CADPS: variants seen among roughly 807,000 people sequenced by gnomAD.
The protein encoded by CADPS is calcium dependent secretion activator.
In CADPS, 57 loss-of-function variants were observed where a neutral mutation model predicts 167.3. The ratio of observed to expected loss-of-function variants is 0.34; its 90% CI spans 0.28 to 0.42. CADPS has a LOEUF of 0.42. CADPS is among the 20% of genes least tolerant of loss of function. The probability of loss-of-function intolerance (pLI) is 1.00; values close to 1 mark genes in which losing one functional copy is unlikely to be tolerated. For synonymous variants in CADPS, 676 were observed against 635.3 expected (o/e 1.06, Z -0.96); for missense variants, 1,414 against 1,738.1 (o/e 0.81, Z 3.32).
intron 3 of CADPS, among the ~76,000 whole-genome samples, chr3:62,677,160 C>T (rs1310485635): frequency 6.6e-6 from 1 of 152,040 alleles, no homozygotes; most frequent in Non-Finnish European, 1.5e-5. Flanking sequence ...AGAAGCAAAG[C>T]TGCAGAAATT....
chr3:62,694,184 C>G, intron 3 of CADPS, among the ~76,000 whole-genome samples: 1 of 152,024 alleles, frequency 6.6e-6, no homozygotes, highest in Non-Finnish European at 1.5e-5. Context: ...TAGAAAATCT[C>G]TATGGCAATA....
chr3:62,495,428 G>A (rs954131072), intron 18 of CADPS, among the ~76,000 whole-genome samples: 1 of 152,174 alleles, frequency 6.6e-6, no homozygotes, highest in African/African-American at 2.4e-5. Flanking sequence ...TTTATTTTAT[G>A]CTTGCTCATA....
chr3:62,796,839 C>A (rs548894491), intron 1 of CADPS, among the ~76,000 whole-genome samples: 1 of 152,206 alleles, frequency 6.6e-6, no homozygotes, highest in South Asian at 2.1e-4. Context: ...ATGTTGGAAT[C>A]AAAAAATGTG....
At chr3:62,635,083 C>A (rs1352707044) in intron 6 of CADPS, among the ~76,000 whole-genome samples, 2 of 152,098 alleles carry the variant, frequency 1.3e-5, no homozygotes, top group Non-Finnish European at 2.9e-5. Flanking sequence ...TTTCTAGAGA[C>A]CAGGTTGTTT....
At chr3:62,488,673 A>G (rs1480418876) in intron 21 of CADPS, among the ~76,000 whole-genome samples, 1 of 151,578 alleles carries the variant, frequency 6.6e-6, no homozygotes, top group Admixed American at 6.6e-5. Flanking sequence ...TTTATTTTGT[A>G]GAGATGGAGT....
In CADPS at chr3:62,519,801, T is replaced by C. The variant is rs1054270550; in HGVS notation, c.2292-1551A>G. On this transcript the variant is annotated intron_variant, in intron 13 of 29. Coordinates refer to ENST00000383710, the MANE Select transcript of CADPS (RefSeq NM_003716.4). Reference sequence around the variant, plus strand: ...TGCTTAACAAAAACAAATTTTTTTTTTTTACATGAAACGTCCGTGAATCTA... The same window carrying C: ...TGCTTAACAAAAACAAATTTTTTTTCTTTACATGAAACGTCCGTGAATCTA... Among the ~76,000 whole-genome samples, 6 of 152,152 alleles carry C rather than the reference T, an allele frequency of 3.9e-5. No individual in the cohort carries two copies. The East Asian group carries it at 1.2e-3, about 29-fold the overall frequency.
intron 2 of CADPS, among the ~76,000 whole-genome samples, chr3:62,755,257 G>A (rs1392201935): frequency 6.6e-6 from 1 of 152,146 alleles, no homozygotes; most frequent in Non-Finnish European, 1.5e-5. Flanking sequence ...TGGTTGGTCT[G>A]CTGGTGCTAC....
intron 12 of CADPS, among the ~76,000 whole-genome samples, chr3:62,535,541 A>G (rs2074518713): frequency 6.6e-6 from 1 of 152,034 alleles, no homozygotes; most frequent in South Asian, 2.1e-4. Flanking sequence ...AATATTACAT[A>G]GAGATATTCT....
At chr3:62,741,437 G>T (rs2080221112) in intron 3 of CADPS, among the ~76,000 whole-genome samples, 1 of 152,170 alleles carries the variant, frequency 6.6e-6, no homozygotes. Flanking sequence ...GATCAAGTAG[G>T]ACTTCAACCT....
chr3:62,399,373 A>ACTC lies in CADPS; in HGVS notation c.*30_*32dup, dbSNP rs1446528561. 1.2e-6 allele frequency: 2 copies of ACTC among 1,606,328 alleles called. No homozygotes were observed. Among genetic ancestry groups the ACTC allele is most frequent in the African/African-American group, 1.3e-5 (1 of 74,834 alleles). Reference sequence around the variant, plus strand: ...ACTAAGGACATGCACTGATTACAGGACTCTGTCCCAGCAGACTCTAGGACC... The same window carrying ACTC: ...ACTAAGGACATGCACTGATTACAGGACTCCTCTGTCCCAGCAGACTCTAGGACC... On this transcript the variant is annotated 3_prime_UTR_variant, in exon 30 of 30. Transcript: ENST00000383710. The surrounding 1 kb of genome is among the most constrained non-coding windows in gnomAD (Gnocchi z 5.6).
chr3:62,764,003 T>C (rs1415800972), intron 2 of CADPS, among the ~76,000 whole-genome samples: 1 of 152,218 alleles, frequency 6.6e-6, no homozygotes, highest in Non-Finnish European at 1.5e-5. Context: ...CTATTAATTT[T>C]CACATTTAAT....
chr3:62,739,832 A>G (rs1414391929), intron 3 of CADPS, among the ~76,000 whole-genome samples: 2 of 152,266 alleles, frequency 1.3e-5, no homozygotes, highest in Admixed American at 6.5e-5. Flanking sequence ...ACAAAGGAAG[A>G]GATTTCCGAT....
rs2055602553 is a variant in CADPS at position 62,438,439 on chromosome 3, A to G, written c.3670-228T>C. 2.2e-6 allele frequency: 1 copy of G among 461,166 alleles called. No individual in the cohort carries two copies. The highest frequency in any genetic ancestry group is 3.9e-6 in the Non-Finnish European group (1 of 257,488). 28.6% of individuals were successfully genotyped at this position (461,166 alleles called of 1,614,324 possible). A position where few individuals can be genotyped will look rare whatever the true frequency, so the allele number is the denominator to read the frequency against. On this transcript the variant is annotated intron_variant, in intron 27 of 29. Transcript: ENST00000383710. This position sits in a 1 kb window ranked among gnomAD's most constrained non-coding sequence, Gnocchi z 4.7. ...TGGCTAAGAAGGGCATTGAGATTGTAGGATTTTATAAATAGTTTTTCTATG... is the reference window on the plus strand; with the variant it reads ...TGGCTAAGAAGGGCATTGAGATTGTGGGATTTTATAAATAGTTTTTCTATG...
intron 3 of CADPS, among the ~76,000 whole-genome samples, chr3:62,718,715 C>CA (rs1049029587): frequency 1.3e-5 from 2 of 152,232 alleles, no homozygotes; most frequent in Admixed American, 1.3e-4. Flanking sequence ...TTCTGAAAGA[C>CA]AGAGTGCAAC....
At chr3:62,542,736 A>G (rs1213583607) in intron 11 of CADPS, among the ~76,000 whole-genome samples, 2 of 152,152 alleles carry the variant, frequency 1.3e-5, no homozygotes, top group Non-Finnish European at 2.9e-5. Context: ...ATTTAAAACT[A>G]CTATGGCAAT....
chr3:62,793,347 T>C (rs1415282407), intron 1 of CADPS, among the ~76,000 whole-genome samples: 1 of 152,230 alleles, frequency 6.6e-6, no homozygotes, highest in African/African-American at 2.4e-5. Flanking sequence ...ACCTGAATTA[T>C]ACACAATCAG....
At chr3:62,730,327 A>T (rs751593010) in intron 3 of CADPS, among the ~76,000 whole-genome samples, 3 of 152,170 alleles carry the variant, frequency 2.0e-5, no homozygotes, top group Non-Finnish European at 4.4e-5. Context: ...TGCTACTGGT[A>T]TCTAGTGAGT....
chr3:62,566,634 G>T (rs143358350), intron 9 of CADPS, among the ~76,000 whole-genome samples: 1 of 152,120 alleles, frequency 6.6e-6, no homozygotes, highest in South Asian at 2.1e-4. Context: ...GTATTTTCTG[G>T]GTATGCCAGC....
chr3:62,413,222 C>T (rs1276158399), intron 28 of CADPS, among the ~76,000 whole-genome samples: 1 of 152,104 alleles, frequency 6.6e-6, no homozygotes, highest in African/African-American at 2.4e-5. Context: ...TTTCCGGTTT[C>T]CACAACCTGA....
Sources: gnomAD v4.1 joint callset for allele counts (sites outside exome capture counted in the v4.1 genomes callset) on GRCh38, gnomAD v4.1.1 for gene constraint, Gnocchi (gnomAD v3.1) non-coding constraint, MANE v1.5 for transcripts, NCBI Gene and HGNC (gene_info 2026-07-23, HGNC 2026-07-21) for gene names.